The following SLC35G2 variants were observed in gnomAD, a reference collection of about 807,000 sequenced individuals.
The protein encoded by SLC35G2 is solute carrier family 35 member G2.
SLC35G2 carries 20 observed loss-of-function variants against 27.2 expected under a neutral mutation model. The observed-to-expected ratio is 0.74, with a 90% confidence interval of 0.52 to 1.07. The LOEUF (loss-of-function observed/expected upper bound fraction) is 1.07. Ranked by LOEUF, SLC35G2 falls within the 50% of genes least tolerant of loss-of-function variation. SLC35G2 has a pLI of 0.00. For missense variants in SLC35G2, 416 were observed against 493.3 expected (o/e 0.84, Z 1.48); for synonymous variants, 148 against 165.3 (o/e 0.90, Z 0.80).
intron 1 of SLC35G2, chr3:136,841,906 T>G (rs973335975): frequency 6.6e-6 from 1 of 152,270 alleles, no homozygotes; most frequent in East Asian, 1.9e-4. Context: ...AAGTCTAAAA[T>G]TATATCCTTT....
At chr3:136,821,663 C>T (rs1936459738) in intron 1 of SLC35G2, among the ~76,000 whole-genome samples, 1 of 152,170 alleles carries the variant, frequency 6.6e-6, no homozygotes, top group South Asian at 2.1e-4. Flanking sequence ...AACTCCTGTC[C>T]TCAGGTTATC....
rs1266712001 is a variant in SLC35G2, at chr3:136,819,247, C to A, written c.-400C>A. ...GGCCCCGGGAGCCGGTCGGCGGCGG[C>A]GGACTGGGACCTTGATCCTGCCTGC... On this transcript the variant is annotated 5_prime_UTR_variant, in exon 1 of 2. Coordinates refer to ENST00000446465, the MANE Select transcript of SLC35G2 (RefSeq NM_025246.3). The A allele has an allele frequency of 6.6e-6, 1 of 152,278 alleles. No individual in the cohort carries two copies. The highest frequency in any genetic ancestry group is 2.4e-5 in the African/African-American group (1 of 41,470). 9.4% of individuals were successfully genotyped at this position (152,278 alleles called of 1,614,324 possible).
rs143121117 is a variant in SLC35G2, at chr3:136,855,283, T to C, written c.823T>C (p.Tyr275His). Residue 275 changes from tyrosine (Y) to histidine (H), a missense_variant, in exon 2 of 2, where the codon TAC (tyrosine) becomes CAC (histidine). Coordinates refer to ENST00000446465, the MANE Select transcript of SLC35G2 (RefSeq NM_025246.3). ...GACCACTGCTCTCTCAATGATAGTA[T>C]ACAGATCCATCAAGGAGAAGATCAG... ...GLTTALSMIVYRSIKEKISMW... is the reference protein window; with the variant it reads ...GLTTALSMIVHRSIKEKISMW... 6 of 1,614,092 alleles carry C rather than the reference T, an allele frequency of 3.7e-6. No individual in the cohort carries two copies. The highest frequency in any genetic ancestry group is 2.7e-5 in the African/African-American group (2 of 74,944).
chr3:136,823,193 G>T (rs1218484482), intron 1 of SLC35G2, among the ~76,000 whole-genome samples: 2 of 152,158 alleles, frequency 1.3e-5, no homozygotes, highest in Non-Finnish European at 2.9e-5. Flanking sequence ...ATACCTGTTT[G>T]CTATTTGTAT....
At chr3:136,845,175 T>TG (rs1937317087) in intron 1 of SLC35G2, among the ~76,000 whole-genome samples, 1 of 152,250 alleles carries the variant, frequency 6.6e-6, no homozygotes, top group South Asian at 2.1e-4. Flanking sequence ...TGTCTCTGAA[T>TG]GGTAGGATTA....
At chr3:136,821,811 G>C (rs1330927599) in intron 1 of SLC35G2, among the ~76,000 whole-genome samples, 4 of 152,192 alleles carry the variant, frequency 2.6e-5, no homozygotes, top group Non-Finnish European at 1.5e-5. Context: ...CTGTATAGCA[G>C]ATCTTTAGAG....
At chr3:136,851,311 G>C (rs1205760042) in intron 1 of SLC35G2, among the ~76,000 whole-genome samples, 1 of 151,596 alleles carries the variant, frequency 6.6e-6, no homozygotes, top group African/African-American at 2.4e-5. Flanking sequence ...TGGCTAATAC[G>C]GTGAAACCCT....
At chr3:136,847,572 A>G (rs1220326300) in intron 1 of SLC35G2, among the ~76,000 whole-genome samples, 1 of 151,190 alleles carries the variant, frequency 6.6e-6, no homozygotes, top group Non-Finnish European at 1.5e-5. Context: ...AACAAGAGTG[A>G]AACTCCATCT....
In SLC35G2 at chr3:136,854,822, T is replaced by C. The variant is rs573942090; in HGVS notation, c.362T>C (p.Ile121Thr). Reference sequence around the variant, plus strand: ...TTGGCTCATGGATGTGTAGCTCTTATCACTAGGCTTGTTTCTGATCGGTCT... The same window carrying C: ...TTGGCTCATGGATGTGTAGCTCTTACCACTAGGCTTGTTTCTGATCGGTCT... Reference protein sequence around the residue: ...SALAHGCVALITRLVSDRSKV... With the variant: ...SALAHGCVALTTRLVSDRSKV... Residue 121 changes from isoleucine (I) to threonine (T), a missense_variant, in exon 2 of 2, where the codon ATC becomes ACC. Physicochemically the swap from Ile to Thr is moderately conservative, Grantham distance 89 (BLOSUM62 -1). Transcript: ENST00000446465. 2.4e-5 allele frequency: 38 copies of C among 1,614,194 alleles called. No homozygotes were observed. Among genetic ancestry groups the C allele is most frequent in the Middle Eastern group, 3.3e-4 (2 of 6,062 alleles).
At chr3:136,832,084 G>A (rs1263607601) in intron 1 of SLC35G2, among the ~76,000 whole-genome samples, 1 of 151,948 alleles carries the variant, frequency 6.6e-6, no homozygotes, top group East Asian at 1.9e-4. Flanking sequence ...CACGATCTCG[G>A]CTCACTGCAA....
Position 136,854,843 on chromosome 3 carries a change from G to A in SLC35G2, c.383G>A (p.Arg128Gln), listed in dbSNP as rs150674035. 6.2e-6 allele frequency: 10 copies of A among 1,614,090 alleles called. No homozygotes were observed. The East Asian group carries it at 8.9e-5, about 14-fold the overall frequency. The change falls in exon 2 of 2, where the codon CGG becomes CAG. Residue 128 changes from arginine to glutamine, a missense_variant. Arg to Gln is a conservative substitution (Grantham distance 43). Transcript: ENST00000446465. ...CTTATCACTAGGCTTGTTTCTGATC[G>A]GTCTAAAGTTCCATCTCTAGAACTG... Reference protein sequence around the residue: ...VALITRLVSDRSKVPSLELIF... With the variant: ...VALITRLVSDQSKVPSLELIF...
chr3:136,822,613 C>T (rs191357138), intron 1 of SLC35G2, among the ~76,000 whole-genome samples: 10 of 152,328 alleles, frequency 6.6e-5, no homozygotes, highest in Admixed American at 2.6e-4. Context: ...CTGCGCCCAG[C>T]GTACTCTCTA....
At chr3:136,841,347 C>T (rs1347343409) in intron 1 of SLC35G2, among the ~76,000 whole-genome samples, 1 of 152,106 alleles carries the variant, frequency 6.6e-6, no homozygotes, top group Non-Finnish European at 1.5e-5. Flanking sequence ...TCAAGAATAA[C>T]AAGCTCATGG....
At chr3:136,849,817 G>A (rs890794308) in intron 1 of SLC35G2, among the ~76,000 whole-genome samples, 1 of 151,092 alleles carries the variant, frequency 6.6e-6, no homozygotes, top group Admixed American at 6.6e-5. Flanking sequence ...AAAAATACAG[G>A]ATTTAGGCTG....
chr3:136,827,977 C>T (rs1936626529), intron 1 of SLC35G2, among the ~76,000 whole-genome samples: 1 of 152,070 alleles, frequency 6.6e-6, no homozygotes, highest in African/African-American at 2.4e-5. Context: ...CAGGTGCACG[C>T]CACCATGCCC....
intron 1 of SLC35G2, among the ~76,000 whole-genome samples, chr3:136,840,994 G>A (rs1485891824): frequency 6.9e-6 from 1 of 144,436 alleles, no homozygotes; most frequent in African/African-American, 2.6e-5. Context: ...ATAGTGATGC[G>A]ATTTTGTTTT....
intron 1 of SLC35G2, among the ~76,000 whole-genome samples, chr3:136,845,186 T>C (rs1937317520): frequency 1.3e-5 from 2 of 152,246 alleles, no homozygotes; most frequent in African/African-American, 4.8e-5. Flanking sequence ...GGTAGGATTA[T>C]GAGTGATTTT....
intron 1 of SLC35G2, chr3:136,839,016 G>C (rs151153200): frequency 6.6e-6 from 1 of 152,020 alleles, no homozygotes; most frequent in Non-Finnish European, 1.5e-5. Context: ...TTTTATTCCT[G>C]CTTCTCCCCC....
chr3:136,848,032 A>C (rs1937473541), intron 1 of SLC35G2, among the ~76,000 whole-genome samples: 1 of 152,184 alleles, frequency 6.6e-6, no homozygotes, highest in Non-Finnish European at 1.5e-5. Flanking sequence ...CCATGAGCAC[A>C]GGATAATGCT....
Sources: allele counts gnomAD v4.1 joint callset (sites outside exome capture counted in the v4.1 genomes callset), GRCh38; gene constraint gnomAD v4.1.1; transcripts MANE v1.5; gene names NCBI Gene and HGNC (gene_info 2026-07-23, HGNC 2026-07-21).